ST6GAL2: variants seen among roughly 807,000 people sequenced by gnomAD.
ST6GAL2 encodes ST6 beta-galactoside alpha-2,6-sialyltransferase 2.
In ST6GAL2, 24 loss-of-function variants were observed where a neutral mutation model predicts 37.5. The observed-to-expected ratio is 0.64, with a 90% CI of 0.46 to 0.90. The LOEUF is 0.90. Ranked by LOEUF, ST6GAL2 falls within the 40% of genes least tolerant of loss-of-function variation. The pLI, the probability that ST6GAL2 is intolerant of heterozygous loss-of-function variation, is 0.00. For missense variants in ST6GAL2, 715 were observed against 712.7 expected, an observed-to-expected ratio of 1.00 and a Z score of -0.04; for synonymous variants, 306 against 295.1, an observed-to-expected ratio of 1.04 and a Z score of -0.38.
intron 2 of ST6GAL2, among the ~76,000 whole-genome samples, chr2:106,835,463 T>TA (rs1254334074): frequency 2.0e-5 from 3 of 152,138 alleles, no homozygotes; most frequent in African/African-American, 7.2e-5. Flanking sequence ...ACCCTAAACT[T>TA]AAAAAAATTC....
At position 106,820,065 on chromosome 2, in the gene ST6GAL2, G is replaced by A. The variant is rs1255743961; in HGVS notation, c.1318+10001C>T. ...CAAGAAGGAAGGAAAGAAGAAAGAG[G>A]AGACTGCAAAAGAATCAGAAAACAA... On this transcript the variant is annotated intron_variant, in intron 5 of 5. Transcript: ENST00000409382. Among the ~76,000 whole-genome samples, 3 of 151,792 alleles carry A rather than the reference G, an allele frequency of 2.0e-5. No homozygotes were observed. In the East Asian group the frequency reaches 5.8e-4, roughly 29 times the overall value.
At chr2:106,823,052 G>A (rs1676065023) in intron 5 of ST6GAL2, 1 of 152,096 alleles carries the variant, frequency 6.6e-6, no homozygotes, top group African/African-American at 2.4e-5. Context: ...TTGGTGAAGA[G>A]GTTCTTAGAG....
chr2:106,835,383 C>T (rs1043209267), intron 2 of ST6GAL2, among the ~76,000 whole-genome samples: 6 of 152,208 alleles, frequency 3.9e-5, no homozygotes, highest in African/African-American at 1.4e-4. Context: ...CTTCTTGCTC[C>T]CCAAATAGCA....
chr2:106,806,631 G>A lies in ST6GAL2; in HGVS notation c.*47C>T, dbSNP rs753410106. On this transcript the variant is annotated 3_prime_UTR_variant, in exon 6 of 6. Coordinates refer to ENST00000409382, the MANE Select transcript of ST6GAL2 (RefSeq NM_001142351.2). ...TTCAAGTATTCTTTTGTGACTTTGA[G>A]TACAACAGTAGTACCTTATTGCACA... 2.2e-5 allele frequency: 35 copies of A among 1,574,816 alleles called. No individual in the cohort carries two copies. The South Asian group carries it at 3.6e-4, about 16-fold the overall frequency.
At chr2:106,807,154 C>CTA (rs139222860) in intron 5 of ST6GAL2, among the ~76,000 whole-genome samples, 2,592 of 150,428 alleles carry the variant, frequency 0.017, 30 homozygotes, top group Admixed American at 0.038. Context: ...AAATGTAACA[C>CTA]TATATATATA....
At chr2:106,885,290 G>C (rs568326171) in intron 1 of ST6GAL2, among the ~76,000 whole-genome samples, 14 of 151,886 alleles carry the variant, frequency 9.2e-5, no homozygotes, top group African/African-American at 3.4e-4. Context: ...CAAATTTTTC[G>C]CATGTCCAAT....
Position 106,816,950 on chromosome 2 carries a change from C to T in ST6GAL2, c.1319-10001G>A, listed in dbSNP as rs559802776. Among the ~76,000 whole-genome samples, 118 of 152,266 alleles carry T rather than the reference C, an allele frequency of 7.7e-4. 1 individual carries two copies. Among genetic ancestry groups the T allele is most frequent in the African/African-American group, 2.6e-3 (109 of 41,562 alleles). ...GACTGGGAGACTTTGCAATGGAACTCGGGGCTGCCCTGTTACAGCAGAAAG... is the reference window on the plus strand; with the variant it reads ...GACTGGGAGACTTTGCAATGGAACTTGGGGCTGCCCTGTTACAGCAGAAAG... On this transcript the variant is annotated intron_variant, in intron 5 of 5. Transcript: ENST00000409382.
rs1420935603 is a variant in ST6GAL2, at chr2:106,802,344, T to C, written c.*4334A>G. 4.0e-5 allele frequency: 6 copies of C among 151,432 alleles called. No individual in the cohort carries two copies. Among genetic ancestry groups the C allele is most frequent in the Admixed American group, 3.3e-4 (5 of 15,164 alleles). 9.4% of individuals were successfully genotyped at this position (151,432 alleles called of 1,614,324 possible). A position where few individuals can be genotyped will look rare whatever the true frequency, so the allele number is the denominator to read the frequency against. On this transcript the variant is annotated 3_prime_UTR_variant, in exon 6 of 6. Transcript: ENST00000409382. ...GTAGATATGTATATACACAATTATA[T>C]AACTATATCTACATGTACACTTTTC... is the stretch of plus-strand genomic sequence containing the variant.
intron 1 of ST6GAL2, among the ~76,000 whole-genome samples, chr2:106,874,561 C>G (rs1330552036): frequency 6.6e-6 from 1 of 151,980 alleles, no homozygotes; most frequent in Non-Finnish European, 1.5e-5. Context: ...TTGGCCAAAG[C>G]GGAAAGGGAT....
At chr2:106,885,633 G>A (rs879519955) in intron 1 of ST6GAL2, among the ~76,000 whole-genome samples, 1 of 152,002 alleles carries the variant, frequency 6.6e-6, no homozygotes, top group Non-Finnish European at 1.5e-5. Context: ...GTAACACCGC[G>A]GAAAGTAAAC....
intron 1 of ST6GAL2, among the ~76,000 whole-genome samples, chr2:106,862,605 T>G (rs1677849188): frequency 6.6e-6 from 1 of 151,638 alleles, no homozygotes; most frequent in Admixed American, 6.6e-5. Context: ...TACTATGGGT[T>G]TGCACTGAAT....
chr2:106,856,468 G>C (rs1343486186), intron 1 of ST6GAL2, among the ~76,000 whole-genome samples: 1 of 152,210 alleles, frequency 6.6e-6, no homozygotes, highest in Non-Finnish European at 1.5e-5. Flanking sequence ...GGGAGGATTG[G>C]CTACCCAAAT....
rs1477347719 is a variant in ST6GAL2 at position 106,850,407 on chromosome 2, G to A, written c.-57-6373C>T. On this transcript the variant is annotated intron_variant, in intron 1 of 5. Transcript: ENST00000409382. ...GCAAAGAATGAAGACTCTTCATTAG[G>A]TGGAGCTTAAGTGGCTCCTAATGCA... 3.3e-5 allele frequency among the ~76,000 whole-genome samples: 5 copies of A among 152,156 alleles called. No individual in the cohort carries two copies. The East Asian group carries it at 7.7e-4, about 23-fold the overall frequency.
chr2:106,883,490 G>A (rs932569231), intron 1 of ST6GAL2, among the ~76,000 whole-genome samples: 1 of 152,158 alleles, frequency 6.6e-6, no homozygotes, highest in Non-Finnish European at 1.5e-5. Context: ...GTGCAAATAT[G>A]CATCTGTGTT....
intron 1 of ST6GAL2, among the ~76,000 whole-genome samples, chr2:106,850,120 A>G (rs1327725178): frequency 6.6e-6 from 1 of 152,160 alleles, no homozygotes; most frequent in East Asian, 1.9e-4. Flanking sequence ...CATAGCCTCC[A>G]TTATATGAAA....
chr2:106,829,281 G>A (rs1278574421), intron 5 of ST6GAL2, among the ~76,000 whole-genome samples: 1 of 152,228 alleles, frequency 6.6e-6, no homozygotes, highest in Non-Finnish European at 1.5e-5. Flanking sequence ...CACATGTGAT[G>A]CTGTACCAGT....
chr2:106,839,059 C>A (rs67302518), intron 2 of ST6GAL2, among the ~76,000 whole-genome samples: 27,712 of 136,120 alleles, frequency 0.2, 3,249 homozygotes, highest in East Asian at 0.56. Flanking sequence ...AACAAACAAA[C>A]AAAAAAAACA....
chr2:106,844,749 T>C (rs1201513745), intron 1 of ST6GAL2, among the ~76,000 whole-genome samples: 1 of 152,120 alleles, frequency 6.6e-6, no homozygotes, highest in African/African-American at 2.4e-5. Context: ...GGGAAGTACA[T>C]TAAAACTTGA....
intron 2 of ST6GAL2, among the ~76,000 whole-genome samples, chr2:106,840,894 G>A (rs544683499): frequency 1.5e-4 from 23 of 152,198 alleles, no homozygotes; most frequent in Non-Finnish European, 3.1e-4. Flanking sequence ...CCTGCTTCAA[G>A]CATAATACTT....
Sources: allele counts gnomAD v4.1 joint callset (sites outside exome capture counted in the v4.1 genomes callset), GRCh38; gene constraint gnomAD v4.1.1; transcripts MANE v1.5; gene names NCBI Gene and HGNC (gene_info 2026-07-23, HGNC 2026-07-21).